Variants in FAT3 observed in about 807,000 individuals in gnomAD.
FAT3 encodes protocadherin Fat 3.
A neutral mutation model predicts 310.2 loss-of-function variants in FAT3; 95 were observed. The ratio of observed to expected loss-of-function variants is 0.31; its 90% CI spans 0.26 to 0.36. The LOEUF (loss-of-function observed/expected upper bound fraction) is 0.36. Ranked by LOEUF, FAT3 falls within the 10% of genes least tolerant of loss-of-function variation. FAT3 has a pLI of 1.00. For missense variants in FAT3, 5,408 were observed against 5,715.6 expected, an observed-to-expected ratio of 0.95 and a Z score of 1.74; for synonymous variants, 2,314 against 2,192.9, an observed-to-expected ratio of 1.06 and a Z score of -1.54.
At chr11:92,472,632 C>T (rs531844829) in intron 2 of FAT3, among the ~76,000 whole-genome samples, 63 of 152,296 alleles carry the variant, frequency 4.1e-4, no homozygotes, top group African/African-American at 1.2e-3. Context: ...GCATACAGTA[C>T]CATGAGCTCT....
At chr11:92,672,223 C>T (rs1943152760) in intron 3 of FAT3, among the ~76,000 whole-genome samples, 1 of 152,212 alleles carries the variant, frequency 6.6e-6, no homozygotes, top group Non-Finnish European at 1.5e-5. Context: ...GGTACCTTCT[C>T]ATCCCCAGAC....
intron 3 of FAT3, among the ~76,000 whole-genome samples, chr11:92,575,189 G>A (rs1474069547): frequency 6.6e-6 from 1 of 152,064 alleles, no homozygotes; most frequent in Admixed American, 6.6e-5. Context: ...ACTAAGTATA[G>A]GTGATGTAAG....
intron 2 of FAT3, among the ~76,000 whole-genome samples, chr11:92,402,352 A>G (rs1214751170): frequency 6.6e-6 from 1 of 152,206 alleles, no homozygotes; most frequent in Non-Finnish European, 1.5e-5. Context: ...GCTGTGGGAA[A>G]GCATAAATGA....
At chr11:92,646,989 C>T (rs1942191465) in intron 3 of FAT3, among the ~76,000 whole-genome samples, 1 of 152,042 alleles carries the variant, frequency 6.6e-6, no homozygotes, top group Non-Finnish European at 1.5e-5. Context: ...TTTTTTAGAC[C>T]TGTTCTGCTT....
intron 3 of FAT3, among the ~76,000 whole-genome samples, chr11:92,529,171 A>G (rs1953980633): frequency 6.6e-6 from 1 of 152,226 alleles, no homozygotes; most frequent in Admixed American, 6.5e-5. Flanking sequence ...CATACTTACC[A>G]TTTAAGGCAG....
intron 1 of FAT3, among the ~76,000 whole-genome samples, chr11:92,319,789 A>G (rs1451015570): frequency 1.3e-5 from 2 of 152,204 alleles, no homozygotes; most frequent in African/African-American, 4.8e-5. Flanking sequence ...TCCTCTTGCC[A>G]TTTCTAATCA....
In FAT3 at chr11:92,494,541, A is replaced by G. The variant is rs114135699; in HGVS notation, c.3293-30093A>G. On this transcript the variant is annotated intron_variant, in intron 2 of 27. Transcript: ENST00000525166. ...CATGTAACAAACATGTAGTGTGTCA[A>G]TCACTGTGTGGGTACTTTTATGCAT... Among the ~76,000 whole-genome samples the G allele has an allele frequency of 7.3e-3, 1,113 of 152,126 alleles. 18 individuals are homozygous for G. Among genetic ancestry groups the G allele is most frequent in the African/African-American group, 0.026 (1,068 of 41,540 alleles).
chr11:92,863,552 A>G (rs537034482), intron 21 of FAT3, among the ~76,000 whole-genome samples: 1 of 152,308 alleles, frequency 6.6e-6, no homozygotes, highest in Non-Finnish European at 1.5e-5. Flanking sequence ...CACTCTCTCA[A>G]TTATGTATTT....
intron 1 of FAT3, among the ~76,000 whole-genome samples, chr11:92,231,686 T>C (rs1185345895): frequency 1.3e-5 from 2 of 152,224 alleles, no homozygotes. Context: ...AGCCCCAAAT[T>C]ATTAATGCTA....
chr11:92,577,225 C>A (rs501795), intron 3 of FAT3, among the ~76,000 whole-genome samples: 112,502 of 151,694 alleles, frequency 0.74, 43,992 homozygotes, highest in Non-Finnish European at 0.88. Context: ...TCTCCCATCT[C>A]AGCCTCCTGA....
At chr11:92,426,183 T>G (rs1950628878) in intron 2 of FAT3, among the ~76,000 whole-genome samples, 1 of 152,248 alleles carries the variant, frequency 6.6e-6, no homozygotes, top group African/African-American at 2.4e-5. Flanking sequence ...AAATGTTGTC[T>G]TTTGAGAAGT....
chr11:92,261,398 C>T (rs907567934), intron 1 of FAT3, among the ~76,000 whole-genome samples: 6 of 152,084 alleles, frequency 3.9e-5, no homozygotes, highest in South Asian at 2.1e-4. Flanking sequence ...TGAATTAAAA[C>T]TGGATTCCCC....
intron 7 of FAT3, among the ~76,000 whole-genome samples, chr11:92,783,502 TAAA>T (rs11349996): frequency 2.7e-4 from 38 of 140,256 alleles, no homozygotes; most frequent in Non-Finnish European, 2.6e-4. Flanking sequence ...CTTTTTTAAT[TAAA>T]AAAAAAAAAA....
intron 1 of FAT3, among the ~76,000 whole-genome samples, chr11:92,242,207 A>G (rs1441684783): frequency 6.6e-6 from 1 of 152,094 alleles, no homozygotes; most frequent in Non-Finnish European, 1.5e-5. Flanking sequence ...GTATCGAATC[A>G]AACACAAAAT....
chr11:92,346,997 G>A (rs376894900), intron 1 of FAT3, among the ~76,000 whole-genome samples: 1 of 152,146 alleles, frequency 6.6e-6, no homozygotes, highest in East Asian at 1.9e-4. Context: ...TATACAATGT[G>A]CCATGAAGTG....
chr11:92,465,160 T>C (rs1951729687), intron 2 of FAT3, among the ~76,000 whole-genome samples: 1 of 152,146 alleles, frequency 6.6e-6, no homozygotes, highest in South Asian at 2.1e-4. Context: ...AGTATTACTG[T>C]GGACAGGAGA....
chr11:92,864,055 A>G (rs1949179113), intron 21 of FAT3, among the ~76,000 whole-genome samples: 1 of 152,210 alleles, frequency 6.6e-6, no homozygotes, highest in Admixed American at 6.5e-5. Context: ...AAATAAAAAT[A>G]AAAAGCAAGC....
rs1666414981 is a variant in FAT3, at chr11:92,750,766, G to T, written c.3670-11090G>T. Among the ~76,000 whole-genome samples the T allele has an allele frequency of 2.0e-5, 3 of 152,172 alleles. No individual in the cohort carries two copies. The South Asian group carries it at 6.2e-4, about 32-fold the overall frequency. ...TTTGGTTTGGTTTGTTGATCCTGGTGCAGGCATTCAGTTCAAGCCAATGGC... is the reference window on the plus strand; with the variant it reads ...TTTGGTTTGGTTTGTTGATCCTGGTTCAGGCATTCAGTTCAAGCCAATGGC... On this transcript the variant is annotated intron_variant, in intron 4 of 27. Transcript: ENST00000525166.
At chr11:92,447,198 T>C (rs1951235015) in intron 2 of FAT3, among the ~76,000 whole-genome samples, 2 of 138,528 alleles carry the variant, frequency 1.4e-5, no homozygotes, top group African/African-American at 5.8e-5. Flanking sequence ...TGTGTGTTCA[T>C]ATATATGTGT....
Sources: gnomAD v4.1 joint callset for allele counts (sites outside exome capture counted in the v4.1 genomes callset) on GRCh38, gnomAD v4.1.1 for gene constraint, MANE v1.5 for transcripts, NCBI Gene and HGNC (gene_info 2026-07-23, HGNC 2026-07-21) for gene names.